Variants in CNTLN observed in about 807,000 individuals in gnomAD.
The protein encoded by CNTLN is centlein, centrosomal protein.
In CNTLN, 212 loss-of-function variants were observed where a neutral mutation model predicts 180.0. That is an observed-to-expected ratio of 1.18 (90% confidence interval 1.05 to 1.32). The LOEUF is 1.32. CNTLN is among the 40% of genes most tolerant of loss of function. The pLI, the probability that CNTLN is intolerant of heterozygous loss-of-function variation, is 0.00. For synonymous variants in CNTLN, 722 were observed against 563.1 expected (o/e 1.28, Z -3.99); for missense variants, 2,095 against 1,610.9 (o/e 1.30, Z -5.14).
the CNTLN span, among the ~76,000 whole-genome samples, chr9:17,526,538 GAC>G: frequency 5.3e-5 from 8 of 152,144 alleles, no homozygotes; most frequent in Non-Finnish European, 1.0e-4. Flanking sequence ...AGATTGATAA[GAC>G]TGATACAATA....
At chr9:17,427,466 A>T (rs997425889) in intron 18 of CNTLN, among the ~76,000 whole-genome samples, 1 of 152,110 alleles carries the variant, frequency 6.6e-6, no homozygotes, top group Non-Finnish European at 1.5e-5. Context: ...TGAACAAAAT[A>T]TTTAAAATTT....
At chr9:17,193,756 C>T (rs1052860332) in intron 2 of CNTLN, among the ~76,000 whole-genome samples, 1 of 152,186 alleles carries the variant, frequency 6.6e-6, no homozygotes, top group African/African-American at 2.4e-5. Context: ...TAGGCATCGC[C>T]CTAGTAGGTG....
chr9:17,406,491 C>T (rs370879828), intron 15 of CNTLN, among the ~76,000 whole-genome samples: 3 of 151,586 alleles, frequency 2.0e-5, no homozygotes, highest in Admixed American at 6.6e-5. Context: ...AAACAACCAA[C>T]TCCCTCTCCT....
intron 6 of CNTLN, among the ~76,000 whole-genome samples, chr9:17,293,168 G>C (rs546834454): frequency 6.6e-6 from 1 of 152,314 alleles, no homozygotes; most frequent in African/African-American, 2.4e-5. Flanking sequence ...CTTCGTCCCA[G>C]AGGGGCACCA....
chr9:17,259,170 G>A (rs1274848895), intron 5 of CNTLN, among the ~76,000 whole-genome samples: 9 of 148,936 alleles, frequency 6.0e-5, no homozygotes, highest in African/African-American at 2.3e-4. Context: ...TTTATTGAGA[G>A]TTTTTAGCAT....
intron 2 of CNTLN, among the ~76,000 whole-genome samples, chr9:17,177,278 A>G (rs151304177): frequency 0.019 from 2,884 of 152,082 alleles, 58 homozygotes; most frequent in African/African-American, 0.05. Flanking sequence ...GCGTGGTGGC[A>G]GGCACCTGTA....
intron 13 of CNTLN, among the ~76,000 whole-genome samples, chr9:17,383,104 T>C (rs1825388143): frequency 6.6e-6 from 1 of 151,892 alleles, no homozygotes; most frequent in Non-Finnish European, 1.5e-5. Flanking sequence ...CCTCAACATA[T>C]ATAAATATAT....
At chr9:17,148,384 C>T (rs147734368) in intron 2 of CNTLN, among the ~76,000 whole-genome samples, 2 of 152,344 alleles carry the variant, frequency 1.3e-5, no homozygotes, top group Non-Finnish European at 2.9e-5. Context: ...CTGGTCACAA[C>T]AATTTTGTCA....
intron 15 of CNTLN, among the ~76,000 whole-genome samples, chr9:17,406,284 T>C (rs757646797): frequency 1.3e-5 from 2 of 151,878 alleles, no homozygotes; most frequent in Non-Finnish European, 2.9e-5. Context: ...GTCATCACTC[T>C]TATATCTATC....
At chr9:17,141,688 G>A (rs1184702684) in intron 1 of CNTLN, among the ~76,000 whole-genome samples, 2 of 152,200 alleles carry the variant, frequency 1.3e-5, no homozygotes, top group African/African-American at 2.4e-5. Context: ...GGACTAGGGC[G>A]ATAGTGGTAG....
chr9:17,151,082 T>C (rs1299105885), intron 2 of CNTLN, among the ~76,000 whole-genome samples: 1 of 152,206 alleles, frequency 6.6e-6, no homozygotes. Context: ...TACAATCATG[T>C]CATCTGCAAA....
In CNTLN at chr9:17,394,964, G is replaced by A. The variant is rs1424044998; in HGVS notation, c.2510G>A (p.Cys837Tyr). 1 of 1,613,740 alleles carries A rather than the reference G, an allele frequency of 6.2e-7. No individual in the cohort carries two copies. The change falls in exon 15 of 26, where the codon TGC becomes TAC. Residue 837 changes from cysteine to tyrosine, a missense_variant. Physicochemically the swap from Cys to Tyr is radical, Grantham distance 194. Transcript: ENST00000380647. ...AAATTTAAAGCTGCGAAGAAAAATTGCTCTGTGGGTCGTCACCACACTGTT... is the reference window on the plus strand; with the variant it reads ...AAATTTAAAGCTGCGAAGAAAAATTACTCTGTGGGTCGTCACCACACTGTT... ...KVKFKAAKKN[C>Y]SVGRHHTVLN...
At chr9:17,323,733 C>G (rs2133058698) in intron 8 of CNTLN, among the ~76,000 whole-genome samples, 1 of 152,266 alleles carries the variant, frequency 6.6e-6, no homozygotes, top group East Asian at 1.9e-4. Flanking sequence ...AAATGAGGCC[C>G]TTGATAATTT....
At chr9:17,256,099 A>T (rs910447765) in intron 5 of CNTLN, among the ~76,000 whole-genome samples, 3 of 147,200 alleles carry the variant, frequency 2.0e-5, no homozygotes, top group Admixed American at 2.0e-4. Flanking sequence ...TGATTTTTTT[A>T]ACTGCTACAT....
At chr9:17,146,473 T>C (rs1818465638) in intron 2 of CNTLN, among the ~76,000 whole-genome samples, 1 of 152,180 alleles carries the variant, frequency 6.6e-6, no homozygotes, top group African/African-American at 2.4e-5. Flanking sequence ...ATGAGGCCTT[T>C]TGGAAGTGAT....
chr9:17,289,415 G>A (rs1205881274), intron 6 of CNTLN, among the ~76,000 whole-genome samples: 1 of 117,374 alleles, frequency 8.5e-6, no homozygotes, highest in Non-Finnish European at 1.7e-5. Flanking sequence ...AGGGTAACCC[G>A]ACCTTTCTCT....
In CNTLN at chr9:17,227,547, T is replaced by G. The variant is rs528582151; in HGVS notation, c.534+1260T>G. 3.2e-4 allele frequency among the ~76,000 whole-genome samples: 49 copies of G among 152,094 alleles called. 1 individual carries two copies. Among genetic ancestry groups the G allele is most frequent in the African/African-American group, 1.1e-3 (47 of 41,542 alleles). On this transcript the variant is annotated intron_variant, in intron 3 of 25. Transcript: ENST00000380647. ...TTATAATTTTTCTTGGGAGGTACCT[T>G]TTTGGCAACCATGTTCTTTTGACTT... is the stretch of plus-strand genomic sequence containing the variant.
At chr9:17,141,368 T>G (rs1274274827) in intron 1 of CNTLN, among the ~76,000 whole-genome samples, 2 of 152,174 alleles carry the variant, frequency 1.3e-5, no homozygotes, top group African/African-American at 4.8e-5. Context: ...GAGAATTCAC[T>G]TGAGATATTA....
rs3808795 is a variant in CNTLN, at chr9:17,273,733, A to G, written c.850A>G (p.Thr284Ala). Residue 284 changes from threonine to alanine, a missense_variant and splice_region_variant, in exon 6 of 26, where the codon ACC (threonine) becomes GCC (alanine). By Grantham distance (58) the Thr-to-Ala change is moderately conservative (BLOSUM62 0). Transcript: ENST00000380647. ...ATTGATATAAGCACTCTAATTTTAG[A>G]CCTTTGAAGACAATTTAATTGAAGC... ...EKYSTDAKIK[T>A]FEDNLIEARK... The G allele has an allele frequency of 0.27, 392,301 of 1,467,690 alleles. 54,803 individuals carry two copies. The highest frequency in any genetic ancestry group is 0.39 in the South Asian group (28,401 of 73,348). 90.9% of individuals were successfully genotyped at this position (1,467,690 alleles called of 1,614,324 possible).
Sources: allele counts gnomAD v4.1 joint callset (sites outside exome capture counted in the v4.1 genomes callset), GRCh38; gene constraint gnomAD v4.1.1; transcripts MANE v1.5; gene names NCBI Gene and HGNC (gene_info 2026-07-23, HGNC 2026-07-21).